Variants in PRKG1 observed in about 807,000 individuals in gnomAD.
The protein encoded by PRKG1 is cGMP-dependent protein kinase 1.
A neutral mutation model predicts 88.1 loss-of-function variants in PRKG1; 35 were observed. The ratio of observed to expected loss-of-function variants is 0.40; its 90% CI spans 0.30 to 0.53. The LOEUF (loss-of-function observed/expected upper bound fraction) is 0.53, where lower values mean the gene tolerates loss of function less well. PRKG1 is among the 20% of genes least tolerant of loss of function. The probability of loss-of-function intolerance (pLI) is 0.59; values close to 1 mark genes in which losing one functional copy is unlikely to be tolerated. For missense variants in PRKG1, 540 were observed against 839.8 expected (o/e 0.64, Z 4.41); for synonymous variants, 303 against 292.5 (o/e 1.04, Z -0.37).
intron 3 of PRKG1, among the ~76,000 whole-genome samples, chr10:51,489,751 G>T (rs1840656609): frequency 6.6e-6 from 1 of 152,116 alleles, no homozygotes; most frequent in Non-Finnish European, 1.5e-5. Context: ...GGGATGGAGG[G>T]TAGGGAACAA....
intron 9 of PRKG1, among the ~76,000 whole-genome samples, chr10:52,214,195 C>A (rs1018607607): frequency 6.6e-6 from 1 of 152,084 alleles, no homozygotes; most frequent in African/African-American, 2.4e-5. Flanking sequence ...AAGTATCCAA[C>A]TTGCTGACAC....
rs192699399 is a variant in PRKG1, at chr10:51,502,042, A to C, written c.592+34206A>C. ...TTTCAATGTTTAATAAATAAAAACAATTTAAACCACAAATAAACAAAAAAA... is the reference window on the plus strand; with the variant it reads ...TTTCAATGTTTAATAAATAAAAACACTTTAAACCACAAATAAACAAAAAAA... On this transcript the variant is annotated intron_variant, in intron 3 of 17. Transcript: ENST00000373980. Among the ~76,000 whole-genome samples the C allele has an allele frequency of 7.9e-5, 12 of 152,274 alleles. 1 individual carries two copies. In the East Asian group the frequency reaches 2.3e-3, roughly 29 times the overall value.
intron 7 of PRKG1, among the ~76,000 whole-genome samples, chr10:52,073,099 T>C (rs1846542061): frequency 6.6e-6 from 1 of 152,172 alleles, no homozygotes; most frequent in Non-Finnish European, 1.5e-5. Flanking sequence ...GTCCTTGGCA[T>C]TTTTTGTCTT....
intron 3 of PRKG1, among the ~76,000 whole-genome samples, chr10:51,734,279 T>G (rs150728007): frequency 6.6e-6 from 1 of 152,170 alleles, no homozygotes; most frequent in Non-Finnish European, 1.5e-5. Context: ...CTTGCATCTA[T>G]TTGAAGAACT....
chr10:51,938,696 G>A (rs570239474), intron 5 of PRKG1, among the ~76,000 whole-genome samples: 17 of 151,836 alleles, frequency 1.1e-4, no homozygotes, highest in African/African-American at 3.4e-4. Flanking sequence ...GTGACATCAG[G>A]GGTATCCCTA....
intron 3 of PRKG1, among the ~76,000 whole-genome samples, chr10:51,582,991 G>A (rs763760255): frequency 2.6e-5 from 4 of 152,142 alleles, no homozygotes; most frequent in African/African-American, 7.2e-5. Context: ...AACCTGTAGT[G>A]ATGTAGCTGG....
Position 51,880,819 on chromosome 10 carries a change from T to C in PRKG1, c.699-26688T>C, listed in dbSNP as rs567312523. ...GCTTTTGGCTCTATTGCAATCAACC[T>C]ATCGGTTCATCAATTCAAGAATTAA... On this transcript the variant is annotated intron_variant, in intron 4 of 17. Coordinates refer to ENST00000373980, the MANE Select transcript of PRKG1 (RefSeq NM_006258.4). 5.9e-5 allele frequency among the ~76,000 whole-genome samples: 9 copies of C among 152,330 alleles called. No homozygotes were observed. The South Asian group carries it at 1.7e-3, about 28-fold the overall frequency.
chr10:51,181,149 C>T (rs1366416682), intron 2 of PRKG1, among the ~76,000 whole-genome samples: 1 of 145,942 alleles, frequency 6.9e-6, no homozygotes, highest in Non-Finnish European at 1.5e-5. Flanking sequence ...ATTGCAAAAA[C>T]AAAAACGAAA....
intron 1 of PRKG1, among the ~76,000 whole-genome samples, chr10:51,016,402 TG>T (rs1234300822): frequency 6.6e-6 from 1 of 152,160 alleles, no homozygotes; most frequent in Non-Finnish European, 1.5e-5. Context: ...TATTATTTTT[TG>T]GCAGAAATGC....
chr10:51,556,668 A>T (rs1837319769), intron 3 of PRKG1, among the ~76,000 whole-genome samples: 1 of 152,024 alleles, frequency 6.6e-6, no homozygotes, highest in Admixed American at 6.6e-5. Flanking sequence ...GGAGCTAAAC[A>T]TCGAATACAC....
chr10:52,263,826 C>T (rs1841496666), intron 10 of PRKG1, among the ~76,000 whole-genome samples: 1 of 152,094 alleles, frequency 6.6e-6, no homozygotes. Flanking sequence ...TCACCTCAGC[C>T]TCCCAAAGTG....
intron 4 of PRKG1, among the ~76,000 whole-genome samples, chr10:51,808,620 A>G (rs1839370160): frequency 6.6e-6 from 1 of 152,040 alleles, no homozygotes; most frequent in Non-Finnish European, 1.5e-5. Context: ...AAAAACAGAA[A>G]CACCACTGCA....
At chr10:51,766,867 A>G (rs1838177204) in intron 3 of PRKG1, among the ~76,000 whole-genome samples, 1 of 151,966 alleles carries the variant, frequency 6.6e-6, no homozygotes, top group Non-Finnish European at 1.5e-5. Flanking sequence ...TACTTTGTTC[A>G]CTCTTTTGTA....
intron 10 of PRKG1, among the ~76,000 whole-genome samples, chr10:52,266,659 T>C (rs867374612): frequency 3.9e-5 from 6 of 152,056 alleles, no homozygotes; most frequent in South Asian, 4.1e-4. Context: ...GAAAACACTT[T>C]GTTTGATACA....
chr10:51,567,423 T>C (rs929492855), intron 3 of PRKG1, among the ~76,000 whole-genome samples: 3 of 152,058 alleles, frequency 2.0e-5, no homozygotes, highest in South Asian at 2.1e-4. Flanking sequence ...GCAGCACTTA[T>C]GTGGTTAGTT....
chr10:51,216,454 T>A (rs1434889728), intron 2 of PRKG1, among the ~76,000 whole-genome samples: 1 of 152,194 alleles, frequency 6.6e-6, no homozygotes, highest in African/African-American at 2.4e-5. Context: ...CCACTTGCCA[T>A]CTTTATGACC....
chr10:52,088,244 C>T (rs1589596260), intron 7 of PRKG1, among the ~76,000 whole-genome samples: 1 of 151,232 alleles, frequency 6.6e-6, no homozygotes, highest in South Asian at 2.1e-4. Context: ...CACAAAAATG[C>T]CTTGTTCTTT....
chr10:52,270,685 A>C (rs1398307930), intron 10 of PRKG1, among the ~76,000 whole-genome samples: 1 of 138,110 alleles, frequency 7.2e-6, no homozygotes, highest in Non-Finnish European at 1.5e-5. Context: ...ACACATGGAC[A>C]CAGGAAGGGG....
At chr10:52,159,774 T>A (rs893773702) in intron 8 of PRKG1, among the ~76,000 whole-genome samples, 7 of 151,616 alleles carry the variant, frequency 4.6e-5, no homozygotes, top group South Asian at 2.1e-4. Flanking sequence ...AGGATTTTTT[T>A]AAAAAAAACT....
Sources: gnomAD v4.1 joint callset for allele counts (sites outside exome capture counted in the v4.1 genomes callset) on GRCh38, gnomAD v4.1.1 for gene constraint, MANE v1.5 for transcripts, NCBI Gene and HGNC (gene_info 2026-07-23, HGNC 2026-07-21) for gene names.